GLDN: variants seen among roughly 807,000 people sequenced by gnomAD.
GLDN encodes the protein gliomedin, also known as collomin.
Under a neutral mutation model 56.5 loss-of-function variants are expected in GLDN, and 47 were observed. The observed-to-expected ratio is 0.83, with a 90% CI of 0.66 to 1.06. The LOEUF (loss-of-function observed/expected upper bound fraction) is 1.06. Among genes scored for constraint, GLDN ranks in the 50% least tolerant of loss-of-function variants. GLDN has a pLI of 0.00. For missense variants in GLDN, 782 were observed against 714.3 expected, an observed-to-expected ratio of 1.09 and a Z score of -1.08; for synonymous variants, 332 against 278.8, an observed-to-expected ratio of 1.19 and a Z score of -1.90.
rs1430124992 is a variant in GLDN at position 51,407,803 on chromosome 15, T to A, written c.*3049T>A. On this transcript the variant is annotated 3_prime_UTR_variant, in exon 10 of 10. Coordinates refer to ENST00000335449, the MANE Select transcript of GLDN (RefSeq NM_181789.4). ...AACCACACAGAGGACGTTTTGGCTA[T>A]GATCATCTGATGGCAAGTGAAGGAG... is the stretch of plus-strand genomic sequence containing the variant. 1 of 152,260 alleles carries A rather than the reference T, an allele frequency of 6.6e-6. No individual in the cohort carries two copies. The highest frequency in any genetic ancestry group is 1.5e-5 in the Non-Finnish European group (1 of 68,046). 9.4% of individuals were successfully genotyped at this position (152,260 alleles called of 1,614,324 possible).
intron 1 of GLDN, among the ~76,000 whole-genome samples, chr15:51,371,737 C>T (rs1302153135): frequency 1.3e-5 from 2 of 152,104 alleles, no homozygotes; most frequent in Non-Finnish European, 2.9e-5. Context: ...GGCTGGAGTG[C>T]AGTGGCTCGA....
chr15:51,371,425 G>T (rs2037513938), intron 1 of GLDN, among the ~76,000 whole-genome samples: 1 of 152,138 alleles, frequency 6.6e-6, no homozygotes, highest in African/African-American at 2.4e-5. Context: ...TGTTTAGTTT[G>T]AATTAAAACA....
chr15:51,394,845 A>G lies in GLDN; in HGVS notation c.552A>G (p.Gly184=). The change falls in exon 5 of 10, where the codon GGA becomes GGG. Residue 184 remains glycine, a synonymous_variant. Coordinates refer to ENST00000335449, the MANE Select transcript of GLDN (RefSeq NM_181789.4). ...NGKRGKMGIP[G]AAGNPGERGE... Reference sequence around the variant, plus strand: ...TGTTTTTTTGGTCAGGGATACCTGGAGCTGCAGGAAATCCAGGGGAAAGGG... The same window carrying G: ...TGTTTTTTTGGTCAGGGATACCTGGGGCTGCAGGAAATCCAGGGGAAAGGG... 2 of 1,613,822 alleles carry G rather than the reference A, an allele frequency of 1.2e-6. No homozygotes were observed. The highest frequency in any genetic ancestry group is 1.7e-6 in the Non-Finnish European group (2 of 1,179,874).
At chr15:51,363,356 C>T (rs1454305404) in intron 1 of GLDN, among the ~76,000 whole-genome samples, 2 of 152,132 alleles carry the variant, frequency 1.3e-5, no homozygotes, top group Non-Finnish European at 2.9e-5. Context: ...GCCTTTTGTG[C>T]CCACAGATTT....
Position 51,383,462 on chromosome 15 carries a change from C to G in GLDN, c.433+9C>G, listed in dbSNP as rs748652734. The G allele has an allele frequency of 5.0e-6, 8 of 1,613,656 alleles. No individual in the cohort carries two copies. The African/African-American group carries it at 6.7e-5, about 13-fold the overall frequency. ...ACCTTCTGGACCACCAGGTAAGAGC[C>G]CATGGATTTTCTAGTTCAAGGGGAG... On this transcript the variant is annotated intron_variant, in intron 3 of 9. Transcript: ENST00000335449.
At chr15:51,366,637 G>T (rs954343984) in intron 1 of GLDN, among the ~76,000 whole-genome samples, 8 of 152,212 alleles carry the variant, frequency 5.3e-5, no homozygotes, top group Middle Eastern at 3.2e-3. Flanking sequence ...ATTCAAATAA[G>T]CGAGGTGGCT....
chr15:51,389,529 C>T (rs1186019301), intron 4 of GLDN, among the ~76,000 whole-genome samples: 1 of 152,054 alleles, frequency 6.6e-6, no homozygotes, highest in Non-Finnish European at 1.5e-5. Flanking sequence ...AGAAGATGAG[C>T]AAATAGGATA....
chr15:51,351,113 T>A (rs554362245), intron 1 of GLDN: 66 of 295,976 alleles, frequency 2.2e-4, no homozygotes, highest in Non-Finnish European at 3.9e-4. Flanking sequence ...AAATGAGATA[T>A]CTTGGCCCTT....
chr15:51,411,584 A>T (rs1441437013), downstream of GLDN, among the ~76,000 whole-genome samples: 1 of 152,194 alleles, frequency 6.6e-6, no homozygotes, highest in South Asian at 2.1e-4. Flanking sequence ...TGTTGGAACT[A>T]CTCACCTCTG....
chr15:51,382,657 C>T (rs556570059), intron 2 of GLDN, among the ~76,000 whole-genome samples: 379 of 149,456 alleles, frequency 2.5e-3, no homozygotes, highest in Non-Finnish European at 2.0e-3. Context: ...ACCCAGGAGG[C>T]GGAGCTTGCA....
intron 1 of GLDN, among the ~76,000 whole-genome samples, chr15:51,361,589 A>G (rs2037300910): frequency 6.6e-6 from 1 of 152,222 alleles, no homozygotes. Context: ...CATTCATTCA[A>G]TATGTAGTCA....
chr15:51,343,408 A>G (rs1429813107), intron 1 of GLDN, among the ~76,000 whole-genome samples: 1 of 152,192 alleles, frequency 6.6e-6, no homozygotes, highest in African/African-American at 2.4e-5. Flanking sequence ...TCTCTACCCT[A>G]CATTTTAAGG....
Position 51,379,470 on chromosome 15 carries a change from C to T in GLDN, c.415+1970C>T, listed in dbSNP as rs376536843. Among the ~76,000 whole-genome samples the T allele has an allele frequency of 2.9e-4, 44 of 152,336 alleles. No homozygotes were observed. In the East Asian group the frequency reaches 7.5e-3, roughly 26 times the overall value. On this transcript the variant is annotated intron_variant, in intron 2 of 9. Transcript: ENST00000335449. ...CCTAATCCAGTTATGATACGTGTCT[C>T]TAGTCTCTTATTCTATGCCTAGGCA...
At chr15:51,379,266 G>A (rs534083802) in intron 2 of GLDN, among the ~76,000 whole-genome samples, 3 of 152,172 alleles carry the variant, frequency 2.0e-5, no homozygotes, top group Non-Finnish European at 4.4e-5. Flanking sequence ...AGATTTCCTT[G>A]GGGACCCAGA....
In GLDN at chr15:51,341,964, C is replaced by A. The variant is rs750951106; in HGVS notation, c.280C>A (p.Arg94Ser). 6.3e-7 allele frequency: 1 copy of A among 1,597,554 alleles called. No individual in the cohort carries two copies. The highest frequency in any genetic ancestry group is 2.2e-5 in the East Asian group (1 of 44,812). Reference protein sequence around the residue: ...QDPASSARNKRSHSGEPAPHI... With the variant: ...QDPASSARNKSSHSGEPAPHI... ...CCCGGCCAGCTCAGCTCGCAACAAG[C>A]GCAGCCACAGCGGCGAGCCCGCGCC... The change falls in exon 1 of 10, where the codon CGC (arginine) becomes AGC (serine). Residue 94 changes from arginine to serine, a missense_variant. Transcript: ENST00000335449.
At position 51,394,954 on chromosome 15, in the gene GLDN, G is replaced by A; in HGVS notation, c.661G>A (p.Asp221Asn). ...GQKGEKGDKG[D>N]VSNDVLLAGA... is the part of the protein sequence containing the mutation. ...GAAGGGAGAAAAGGGTGACAAAGGA[G>A]ATGTGTCCAACGACGTGCTCCTGGC... The change falls in exon 5 of 10, where the codon GAT (aspartate) becomes AAT (asparagine). Residue 221 changes from aspartate (D) to asparagine (N), a missense_variant. Physicochemically the swap from Asp to Asn is conservative, Grantham distance 23 (BLOSUM62 1). Coordinates refer to ENST00000335449, the MANE Select transcript of GLDN (RefSeq NM_181789.4). 6.2e-7 allele frequency: 1 copy of A among 1,609,148 alleles called. No homozygotes were observed. Among genetic ancestry groups the A allele is most frequent in the East Asian group, 2.2e-5 (1 of 44,730 alleles).
At chr15:51,358,744 G>T (rs1179783008) in intron 1 of GLDN, among the ~76,000 whole-genome samples, 3 of 152,142 alleles carry the variant, frequency 2.0e-5, no homozygotes, top group Non-Finnish European at 2.9e-5. Flanking sequence ...GTGTATTCTG[G>T]ATAACTGGGA....
At chr15:51,396,594 TA>T (rs1264425817) in intron 5 of GLDN, among the ~76,000 whole-genome samples, 1 of 152,206 alleles carries the variant, frequency 6.6e-6, no homozygotes, top group Non-Finnish European at 1.5e-5. Context: ...ATATAGTCAG[TA>T]AAGATTTAGC....
At chr15:51,358,851 A>G (rs553500050) in intron 1 of GLDN, among the ~76,000 whole-genome samples, 1 of 152,196 alleles carries the variant, frequency 6.6e-6, no homozygotes, top group Non-Finnish European at 1.5e-5. Flanking sequence ...AGACATGGCC[A>G]CCCGAGGGAA....
Sources: gnomAD v4.1 joint callset for allele counts (sites outside exome capture counted in the v4.1 genomes callset) on GRCh38, gnomAD v4.1.1 for gene constraint, MANE v1.5 for transcripts, NCBI Gene and HGNC (gene_info 2026-07-23, HGNC 2026-07-21) for gene names.